The following WWOX variants were observed in gnomAD, a reference collection of about 807,000 sequenced individuals.
WWOX encodes the protein WW domain-containing oxidoreductase.
In WWOX, 69 loss-of-function variants were observed where a neutral mutation model predicts 46.2. That is an observed-to-expected ratio of 1.49 (90% CI 1.23 to 1.82). WWOX has a LOEUF of 1.82. WWOX is among the 40% of genes most tolerant of loss of function. The pLI is 0.00. For missense variants in WWOX, 919 were observed against 542.6 expected, an observed-to-expected ratio of 1.69 and a Z score of -6.89; for synonymous variants, 359 against 202.6, an observed-to-expected ratio of 1.77 and a Z score of -6.56.
intron 8 of WWOX, among the ~76,000 whole-genome samples, chr16:79,111,203 T>C (rs1295347593): frequency 6.6e-6 from 1 of 152,216 alleles, no homozygotes; most frequent in Non-Finnish European, 1.5e-5. Flanking sequence ...CGTGCATCTT[T>C]ATGGTATGAC....
Position 79,151,239 on chromosome 16 carries a change from C to G in WWOX, c.1057-60369C>G, listed in dbSNP as rs7196132. On this transcript the variant is annotated intron_variant, in intron 8 of 8. Coordinates refer to ENST00000566780, the MANE Select transcript of WWOX (RefSeq NM_016373.4). ...CTGATCATTTGAAATCTGGAACATT[C>G]TTTCCTACGGTGGTTGACTTTTCAC... is the stretch of plus-strand genomic sequence containing the variant. Among the ~76,000 whole-genome samples the G allele has an allele frequency of 3.4e-3, 516 of 152,336 alleles. 5 individuals are homozygous for G. Among genetic ancestry groups the G allele is most frequent in the African/African-American group, 0.011 (450 of 41,584 alleles).
chr16:78,814,369 A>G (rs2051275937), intron 8 of WWOX, among the ~76,000 whole-genome samples: 1 of 152,134 alleles, frequency 6.6e-6, no homozygotes, highest in Non-Finnish European at 1.5e-5. Flanking sequence ...AATTCAAATC[A>G]TATTCAAAAA....
intron 8 of WWOX, among the ~76,000 whole-genome samples, chr16:78,491,193 C>T (rs982800509): frequency 6.6e-6 from 1 of 152,198 alleles, no homozygotes; most frequent in Admixed American, 6.5e-5. Context: ...TTCCACAAAG[C>T]CTTCCCAGAC....
At chr16:78,880,653 G>A (rs2044323531) in intron 8 of WWOX, among the ~76,000 whole-genome samples, 2 of 152,270 alleles carry the variant, frequency 1.3e-5, no homozygotes, top group Admixed American at 1.3e-4. Context: ...TATTGGTGAG[G>A]GAATTCACTT....
intron 8 of WWOX, among the ~76,000 whole-genome samples, chr16:79,024,464 T>C (rs900805999): frequency 6.6e-6 from 1 of 152,052 alleles, no homozygotes; most frequent in African/African-American, 2.4e-5. Flanking sequence ...GACGGAGTTT[T>C]GCTCTGTTGC....
At chr16:78,122,382 G>C (rs971738034) in intron 4 of WWOX, among the ~76,000 whole-genome samples, 1 of 152,114 alleles carries the variant, frequency 6.6e-6, no homozygotes, top group Non-Finnish European at 1.5e-5. Context: ...CATAACAAAT[G>C]AGAGTCATAC....
chr16:78,288,066 T>G (rs2079798926), intron 5 of WWOX, among the ~76,000 whole-genome samples: 1 of 152,218 alleles, frequency 6.6e-6, no homozygotes. Context: ...AATGAATATT[T>G]TTTAACTGTG....
intron 8 of WWOX, among the ~76,000 whole-genome samples, chr16:79,083,642 TC>T (rs1420488664): frequency 6.6e-6 from 1 of 152,186 alleles, no homozygotes; most frequent in Non-Finnish European, 1.5e-5. Flanking sequence ...ACAGTTAGGT[TC>T]GAAGGAAAAC....
chr16:78,985,713 G>A (rs1450684740), intron 8 of WWOX, among the ~76,000 whole-genome samples: 1 of 152,216 alleles, frequency 6.6e-6, no homozygotes, highest in African/African-American at 2.4e-5. Context: ...AGGTTGCAGT[G>A]AGCCAAGGTC....
intron 8 of WWOX, among the ~76,000 whole-genome samples, chr16:78,801,236 A>G (rs989022593): frequency 2.6e-5 from 4 of 152,082 alleles, no homozygotes; most frequent in Admixed American, 2.0e-4. Context: ...TGTGGTGGGC[A>G]TGGTGGCTCA....
intron 8 of WWOX, among the ~76,000 whole-genome samples, chr16:78,782,992 T>A (rs1486831254): frequency 6.6e-6 from 1 of 152,238 alleles, no homozygotes; most frequent in African/African-American, 2.4e-5. Flanking sequence ...ACAGGGATTT[T>A]GAATTACAAT....
chr16:78,259,335 A>T lies in WWOX; in HGVS notation c.516+95046A>T, dbSNP rs535792337. 1.2e-4 allele frequency among the ~76,000 whole-genome samples: 18 copies of T among 152,252 alleles called. No individual in the cohort carries two copies. In the East Asian group the frequency reaches 3.1e-3, roughly 26 times the overall value. ...TGTATTCCATTTTATTTTTATTTAT[A>T]TTTATTTTTGAGACAGAGTCTTGCT... On this transcript the variant is annotated intron_variant, in intron 5 of 8. Coordinates refer to ENST00000566780, the MANE Select transcript of WWOX (RefSeq NM_016373.4).
At chr16:78,834,588 T>A (rs967790282) in intron 8 of WWOX, among the ~76,000 whole-genome samples, 3 of 152,306 alleles carry the variant, frequency 2.0e-5, no homozygotes, top group African/African-American at 7.2e-5. Context: ...CCATTGCCGA[T>A]GATCAGAAAG....
At chr16:78,740,634 G>T (rs1168764790) in intron 8 of WWOX, among the ~76,000 whole-genome samples, 2 of 152,120 alleles carry the variant, frequency 1.3e-5, no homozygotes. Flanking sequence ...GCTGGAAGGG[G>T]ACTTGGTGAA....
intron 8 of WWOX, among the ~76,000 whole-genome samples, chr16:78,668,671 C>A (rs1400693432): frequency 6.6e-6 from 1 of 152,124 alleles, no homozygotes. Context: ...AGCTTTACCC[C>A]TGAGAAGAGC....
chr16:78,452,076 C>T (rs1169320443), intron 8 of WWOX, among the ~76,000 whole-genome samples: 1 of 152,104 alleles, frequency 6.6e-6, no homozygotes, highest in East Asian at 1.9e-4. Flanking sequence ...CATGTTAGAT[C>T]CCTTTTTTGG....
chr16:78,752,958 C>CT (rs1567536648), intron 8 of WWOX, among the ~76,000 whole-genome samples: 7 of 152,154 alleles, frequency 4.6e-5, no homozygotes, highest in African/African-American at 1.7e-4. Context: ...AATTCTAGGC[C>CT]GTTTGTCTGC....
chr16:78,697,527 A>AG (rs1412820281), intron 8 of WWOX, among the ~76,000 whole-genome samples: 1 of 152,204 alleles, frequency 6.6e-6, no homozygotes, highest in Non-Finnish European at 1.5e-5. Flanking sequence ...ACTAATATCC[A>AG]GGATCTACAT....
At chr16:78,428,107 T>C (rs1044915558) in intron 7 of WWOX, among the ~76,000 whole-genome samples, 3 of 152,090 alleles carry the variant, frequency 2.0e-5, no homozygotes, top group African/African-American at 7.2e-5. Flanking sequence ...CCACAGTATA[T>C]ATAGAAATAC....
Sources: allele counts gnomAD v4.1 joint callset (sites outside exome capture counted in the v4.1 genomes callset), GRCh38; gene constraint gnomAD v4.1.1; transcripts MANE v1.5; gene names NCBI Gene and HGNC (gene_info 2026-07-23, HGNC 2026-07-21).